Variants in GALNT16 observed in about 807,000 individuals in gnomAD.
GALNT16 encodes the protein polypeptide N-acetylgalactosaminyltransferase 16, also known as UDP-GalNAc:polypeptide N-acetylgalactosaminyltransferase-like protein 1.
Under a neutral mutation model 76.1 loss-of-function variants are expected in GALNT16, and 40 were observed. The observed-to-expected ratio is 0.53, with a 90% CI of 0.41 to 0.68. GALNT16 has a LOEUF of 0.68. GALNT16 is among the 30% of genes least tolerant of loss of function. The pLI, the probability that GALNT16 is intolerant of heterozygous loss-of-function variation, is 0.00. For missense variants in GALNT16, 621 were observed against 731.9 expected, an observed-to-expected ratio of 0.85 and a Z score of 1.75; for synonymous variants, 276 against 285.2, an observed-to-expected ratio of 0.97 and a Z score of 0.32.
intron 1 of GALNT16, among the ~76,000 whole-genome samples, chr14:69,282,768 C>A (rs2140118389): frequency 6.6e-6 from 1 of 152,166 alleles, no homozygotes; most frequent in African/African-American, 2.4e-5. Context: ...CAGGTTCAAG[C>A]AATTCTCCTG....
intron 9 of GALNT16, among the ~76,000 whole-genome samples, chr14:69,335,531 T>C (rs529431803): frequency 1.6e-4 from 25 of 152,084 alleles, no homozygotes; most frequent in Middle Eastern, 6.8e-3. Flanking sequence ...CTTTTTCTTT[T>C]TTTTCTGAGG....
chr14:69,267,768 G>A (rs543248469), intron 1 of GALNT16, among the ~76,000 whole-genome samples: 1 of 152,230 alleles, frequency 6.6e-6, no homozygotes, highest in South Asian at 2.1e-4. Flanking sequence ...CCTTAGGTGA[G>A]TCAGTCCCAC....
chr14:69,339,308 C>T (rs1275682), intron 10 of GALNT16, among the ~76,000 whole-genome samples: 114,648 of 152,130 alleles, frequency 0.75, 43,715 homozygotes, highest in Non-Finnish European at 0.8. Context: ...CGTACAGCGT[C>T]TGGAGCAGCA....
intron 1 of GALNT16, among the ~76,000 whole-genome samples, chr14:69,273,826 C>T (rs1018183566): frequency 5.9e-5 from 9 of 152,136 alleles, no homozygotes; most frequent in African/African-American, 1.4e-4. Flanking sequence ...TAGTTAGAGC[C>T]GTAAACCCAA....
At chr14:69,361,911 G>A (rs2045726826), downstream of GALNT16, among the ~76,000 whole-genome samples, 1 of 152,210 alleles carries the variant, frequency 6.6e-6, no homozygotes, top group Admixed American at 6.5e-5. Context: ...GGAGGCTGAG[G>A]CAGGAAAAAT....
the GALNT16 span, among the ~76,000 whole-genome samples, chr14:69,378,783 CTAGAG>C: frequency 4.6e-5 from 7 of 152,010 alleles, no homozygotes; most frequent in East Asian, 1.9e-4. Context: ...CAGATCTGCT[CTAGAG>C]TATTTAAAAA....
At chr14:69,316,783 G>GC (rs1555399671) in intron 1 of GALNT16, among the ~76,000 whole-genome samples, 1 of 72,036 alleles carries the variant, frequency 1.4e-5, no homozygotes, top group Non-Finnish European at 3.1e-5. Flanking sequence ...GTGAGGGGGG[G>GC]GGGCACTGAA....
intron 1 of GALNT16, among the ~76,000 whole-genome samples, chr14:69,265,534 T>C (rs906743842): frequency 6.6e-6 from 1 of 152,166 alleles, no homozygotes; most frequent in African/African-American, 2.4e-5. Flanking sequence ...CTCACTGTAA[T>C]GGAGGAAGCT....
At chr14:69,266,128 C>T (rs1234571116) in intron 1 of GALNT16, among the ~76,000 whole-genome samples, 2 of 152,228 alleles carry the variant, frequency 1.3e-5, no homozygotes, top group East Asian at 3.8e-4. Context: ...CCTGGAGCAT[C>T]TTCTGGTCAA....
chr14:69,305,128 T>C (rs1050586497), intron 1 of GALNT16, among the ~76,000 whole-genome samples: 1 of 112,678 alleles, frequency 8.9e-6, no homozygotes, highest in African/African-American at 3.0e-5. Context: ...TCACCAACAC[T>C]TGTCTTTTTT....
intron 1 of GALNT16, among the ~76,000 whole-genome samples, chr14:69,265,526 C>G (rs2140097832): frequency 2.0e-5 from 3 of 152,306 alleles, no homozygotes; most frequent in Middle Eastern, 6.8e-3. Flanking sequence ...GGGACTGTCT[C>G]ACTGTAATGG....
intron 1 of GALNT16, among the ~76,000 whole-genome samples, chr14:69,270,010 C>T (rs375899508): frequency 2.0e-5 from 3 of 151,860 alleles, no homozygotes; most frequent in Non-Finnish European, 4.4e-5. Context: ...AATGGTGGTA[C>T]CTGATCAAGC....
the GALNT16 span, among the ~76,000 whole-genome samples, chr14:69,368,462 G>A: frequency 6.6e-6 from 1 of 152,198 alleles, no homozygotes; most frequent in Non-Finnish European, 1.5e-5. Flanking sequence ...GTCTCCATAG[G>A]GCTGTCTCAC....
At chr14:69,365,140 A>C in the GALNT16 span, among the ~76,000 whole-genome samples, 3 of 152,282 alleles carry the variant, frequency 2.0e-5, no homozygotes, top group East Asian at 3.9e-4. Flanking sequence ...AATTATTAAC[A>C]ATAGTATGCC....
chr14:69,352,327 T>C lies in GALNT16; in HGVS notation c.*159T>C, dbSNP rs2140207773. 1 of 721,934 alleles carries C rather than the reference T, an allele frequency of 1.4e-6. No homozygotes were observed. The highest frequency in any genetic ancestry group is 1.9e-5 in the South Asian group (1 of 52,072). The allele number at this position is 721,934 out of a possible 1,614,324, so 44.7% of individuals were successfully genotyped here. The stretch of plus-strand genomic sequence containing the variant: ...GACACACGTTCTCCAAAGCTTGTTC[T>C]AGGAGGGCGCAGGCGGGCACGCCCC... On this transcript the variant is annotated 3_prime_UTR_variant, in exon 15 of 15. Transcript: ENST00000448469.
At chr14:69,265,896 C>CT (rs2044336639) in intron 1 of GALNT16, among the ~76,000 whole-genome samples, 2 of 152,202 alleles carry the variant, frequency 1.3e-5, no homozygotes, top group Non-Finnish European at 2.9e-5. Context: ...TCCATAATCA[C>CT]TGTATACTCT....
intron 12 of GALNT16, among the ~76,000 whole-genome samples, chr14:69,344,108 A>G (rs917691659): frequency 1.3e-5 from 2 of 152,196 alleles, no homozygotes; most frequent in Admixed American, 6.5e-5. Flanking sequence ...GTCCCTAAAT[A>G]GTTGCCTACA....
At chr14:69,273,305 A>C (rs1381962642) in intron 1 of GALNT16, among the ~76,000 whole-genome samples, 1 of 152,188 alleles carries the variant, frequency 6.6e-6, no homozygotes, top group African/African-American at 2.4e-5. Context: ...GATTATTTCC[A>C]GTCTGTTGCT....
chr14:69,337,982 T>C (rs994408570), intron 9 of GALNT16, among the ~76,000 whole-genome samples: 17 of 152,242 alleles, frequency 1.1e-4, no homozygotes, highest in African/African-American at 3.9e-4. Context: ...TTACCATAAA[T>C]GGCAACTGGT....
Sources: gnomAD v4.1 joint callset for allele counts (sites outside exome capture counted in the v4.1 genomes callset) on GRCh38, gnomAD v4.1.1 for gene constraint, MANE v1.5 for transcripts, NCBI Gene and HGNC (gene_info 2026-07-23, HGNC 2026-07-21) for gene names.